KITLG: variants seen among roughly 807,000 people sequenced by gnomAD.
KITLG encodes the protein c-Kit ligand.
In KITLG, 13 loss-of-function variants were observed where a neutral mutation model predicts 34.1. That is an observed-to-expected ratio of 0.38 (90% confidence interval 0.25 to 0.61). KITLG has a LOEUF of 0.61. KITLG is among the 20% of genes least tolerant of loss of function. The pLI is 0.60. For synonymous variants in KITLG, 110 were observed against 104.0 expected, an observed-to-expected ratio of 1.06 and a Z score of -0.35; for missense variants, 292 against 318.9, an observed-to-expected ratio of 0.92 and a Z score of 0.64.
At chr12:88,547,102 T>C (rs1477968472) in intron 1 of KITLG, among the ~76,000 whole-genome samples, 1 of 152,142 alleles carries the variant, frequency 6.6e-6, no homozygotes, top group Admixed American at 6.5e-5. Flanking sequence ...TATGTGCACA[T>C]TCTTTTATGA....
intron 1 of KITLG, among the ~76,000 whole-genome samples, chr12:88,570,923 T>G (rs2120983528): frequency 6.6e-6 from 1 of 152,322 alleles, no homozygotes; most frequent in Non-Finnish European, 1.5e-5. Flanking sequence ...CTGCTCTTAC[T>G]TCTTAAACAG....
chr12:88,556,906 T>A (rs546890349), intron 1 of KITLG, among the ~76,000 whole-genome samples: 1 of 152,304 alleles, frequency 6.6e-6, no homozygotes, highest in Non-Finnish European at 1.5e-5. Flanking sequence ...TGATGTTTAC[T>A]AAAGAGTACT....
intron 2 of KITLG, among the ~76,000 whole-genome samples, chr12:88,537,538 G>T (rs1182803489): frequency 1.3e-5 from 2 of 151,762 alleles, no homozygotes; most frequent in East Asian, 3.9e-4. Flanking sequence ...CACTACCTGG[G>T]TGATGGGATC....
chr12:88,525,624 C>T (rs751470467), intron 3 of KITLG, among the ~76,000 whole-genome samples: 54 of 152,050 alleles, frequency 3.6e-4, no homozygotes, highest in East Asian at 3.3e-3. Context: ...TTATTTCTCA[C>T]GATAATACTT....
At position 88,493,116 on chromosome 12, in the gene KITLG, TG is replaced by T. The variant is rs1359490375; in HGVS notation, c.*4102del. 6.6e-6 allele frequency: 1 copy of T among 152,312 alleles called. No individual in the cohort carries two copies. The highest frequency in any genetic ancestry group is 1.5e-5 in the Non-Finnish European group (1 of 67,868). 9.4% of individuals were successfully genotyped at this position (152,312 alleles called of 1,614,324 possible). On this transcript the variant is annotated 3_prime_UTR_variant, in exon 10 of 10. Transcript: ENST00000644744. ...ATTGATTTAAAAAAATGGTGGCAAG[TG>T]GACACTATAATCACATATTAACCCT... is the stretch of plus-strand genomic sequence containing the variant.
chr12:88,505,769 C>T (rs779509067), intron 8 of KITLG, among the ~76,000 whole-genome samples: 2 of 152,076 alleles, frequency 1.3e-5, no homozygotes, highest in Admixed American at 6.5e-5. Flanking sequence ...AATCACTGAA[C>T]GTATTTTGAA....
At position 88,504,571 on chromosome 12, in the gene KITLG, C is replaced by T. The variant is rs946465553; in HGVS notation, c.*37+588G>A. The stretch of plus-strand genomic sequence containing the variant: ...ATCAAAACCACAATGAGATAACCAT[C>T]TCACACCAGTTAGAATGGTGATCAT... On this transcript the variant is annotated intron_variant, in intron 9 of 9. Coordinates refer to ENST00000644744, the MANE Select transcript of KITLG (RefSeq NM_000899.5). Among the ~76,000 whole-genome samples the T allele has an allele frequency of 7.3e-4, 111 of 152,110 alleles. 2 individuals are homozygous for T. The highest frequency in any genetic ancestry group is 2.6e-3 in the African/African-American group (107 of 41,432).
chr12:88,554,621 G>T (rs2120935269), intron 1 of KITLG, among the ~76,000 whole-genome samples: 1 of 152,312 alleles, frequency 6.6e-6, no homozygotes, highest in Non-Finnish European at 1.5e-5. Context: ...TTGGTCCTGA[G>T]TTCAGGTCTT....
rs138822607 is a variant in KITLG, at chr12:88,571,347, T to G, written c.15+8917A>C. 2.2e-3 allele frequency among the ~76,000 whole-genome samples: 331 copies of G among 152,240 alleles called. 1 individual carries two copies. The highest frequency in any genetic ancestry group is 7.6e-3 in the African/African-American group (315 of 41,556). On this transcript the variant is annotated intron_variant, in intron 1 of 9. Transcript: ENST00000644744. The stretch of plus-strand genomic sequence containing the variant: ...GTGCCCATTTTAAATATTGAGAAAG[T>G]GAAGTTCAAAGAGAAAAACTTACTG...
chr12:88,537,737 A>G (rs1032293622), intron 2 of KITLG, among the ~76,000 whole-genome samples: 3 of 152,140 alleles, frequency 2.0e-5, no homozygotes, highest in Non-Finnish European at 4.4e-5. Flanking sequence ...GAAATATTCA[A>G]CCCCGTAGTA....
intron 9 of KITLG, among the ~76,000 whole-genome samples, chr12:88,500,570 T>C (rs1356159869): frequency 6.6e-6 from 1 of 152,184 alleles, no homozygotes; most frequent in Non-Finnish European, 1.5e-5. Flanking sequence ...AGAGCAAAAG[T>C]TTCCTGTAAC....
chr12:88,557,990 G>A (rs1473242195), intron 1 of KITLG, among the ~76,000 whole-genome samples: 1 of 152,134 alleles, frequency 6.6e-6, no homozygotes, highest in Non-Finnish European at 1.5e-5. Flanking sequence ...TTCTGAAAGT[G>A]AGATCTCATG....
At chr12:88,543,313 C>A (rs1291947162) in intron 2 of KITLG, among the ~76,000 whole-genome samples, 2 of 152,104 alleles carry the variant, frequency 1.3e-5, no homozygotes, top group African/African-American at 4.8e-5. Context: ...TCCCTGTGTC[C>A]TTGTGTTCTC....
intron 5 of KITLG, among the ~76,000 whole-genome samples, 182 bp from the exon 6 acceptor site, chr12:88,515,799 A>T (rs1869433928): frequency 6.6e-6 from 1 of 151,812 alleles, no homozygotes; most frequent in African/African-American, 2.4e-5. Flanking sequence ...ATCCACCATT[A>T]TCACCTTGTA....
At position 88,524,259 on chromosome 12, in the gene KITLG, T is replaced by C. The variant is rs549280881; in HGVS notation, c.193-5392A>G. ...AGCTAAAATTTTCATTTTACTTAAT[T>C]ATAATTTCTTTAAATTGAAAAGTCA... On this transcript the variant is annotated intron_variant, in intron 3 of 9. Transcript: ENST00000644744. Among the ~76,000 whole-genome samples, 7 of 152,342 alleles carry C rather than the reference T, an allele frequency of 4.6e-5. No individual in the cohort carries two copies. The South Asian group carries it at 1.2e-3, about 27-fold the overall frequency.
chr12:88,575,304 T>C (rs1479925570), intron 1 of KITLG, among the ~76,000 whole-genome samples: 2 of 152,122 alleles, frequency 1.3e-5, no homozygotes, highest in Admixed American at 1.3e-4. Context: ...ACAAAAATAG[T>C]AAAATGTAGC....
chr12:88,579,413 G>C (rs1436678895), intron 1 of KITLG, among the ~76,000 whole-genome samples: 1 of 152,028 alleles, frequency 6.6e-6, no homozygotes, highest in Non-Finnish European at 1.5e-5. Flanking sequence ...CTGTGGATAG[G>C]GGCACCGTGG....
At chr12:88,564,176 T>C (rs1448323577) in intron 1 of KITLG, 1 of 152,176 alleles carries the variant, frequency 6.6e-6, no homozygotes, top group African/African-American at 2.4e-5. Context: ...TGCTTTCAAG[T>C]TTAAAACAAA....
At chr12:88,521,562 A>G (rs1869667118) in intron 3 of KITLG, among the ~76,000 whole-genome samples, 1 of 152,150 alleles carries the variant, frequency 6.6e-6, no homozygotes, top group Non-Finnish European at 1.5e-5. Flanking sequence ...TATTTACTCA[A>G]TGATATTCAT....
Sources: gnomAD v4.1 joint callset for allele counts (sites outside exome capture counted in the v4.1 genomes callset) on GRCh38, gnomAD v4.1.1 for gene constraint, MANE v1.5 for transcripts, NCBI Gene and HGNC (gene_info 2026-07-23, HGNC 2026-07-21) for gene names.